Variants in NF1 observed in about 807,000 individuals in gnomAD.
The protein encoded by NF1 is neurofibromin.
A neutral mutation model predicts 325.7 loss-of-function variants in NF1; 122 were observed. The observed-to-expected ratio is 0.37, with a 90% CI of 0.32 to 0.44. NF1 has a LOEUF of 0.44. Among genes scored for constraint, NF1 ranks in the 20% least tolerant of loss-of-function variants. The pLI is 1.00. For missense variants in NF1, 2,140 were observed against 3,415.4 expected, an observed-to-expected ratio of 0.63 and a Z score of 9.31; for synonymous variants, 1,091 against 1,186.0, an observed-to-expected ratio of 0.92 and a Z score of 1.65.
At chr17:31,200,269 A>G (rs1410050006) in intron 8 of NF1, among the ~76,000 whole-genome samples, 153 bp from the exon 9 acceptor site, 11 of 152,162 alleles carry the variant, frequency 7.2e-5, no homozygotes, top group African/African-American at 2.4e-4. Flanking sequence ...AATGATGACC[A>G]CTACTTAAAT....
chr17:31,185,282 C>T (rs185305803), intron 8 of NF1, among the ~76,000 whole-genome samples: 17 of 152,196 alleles, frequency 1.1e-4, no homozygotes, highest in Admixed American at 7.8e-4. Context: ...TGAGGAGGTG[C>T]GCTACACTCG....
rs143497955 is a variant in NF1 at position 31,153,476 on chromosome 17, C to T, written c.61-2507C>T. ...CTGCAAATTGCAATGAGCATAACTACCCTCTGTTTTGGCTAATATTCCTAA... is the reference window on the plus strand; with the variant it reads ...CTGCAAATTGCAATGAGCATAACTATCCTCTGTTTTGGCTAATATTCCTAA... On this transcript the variant is annotated intron_variant, in intron 1 of 57. Coordinates refer to ENST00000358273, the MANE Select transcript of NF1 (RefSeq NM_001042492.3). Among the ~76,000 whole-genome samples, 36 of 152,316 alleles carry T rather than the reference C, an allele frequency of 2.4e-4. No individual in the cohort carries two copies. The East Asian group carries it at 6.6e-3, about 28-fold the overall frequency.
rs2070714483 is a variant in NF1, at chr17:31,375,184, T to C, written c.*1029T>C. 1 of 223,168 alleles carries C rather than the reference T, an allele frequency of 4.5e-6. No individual in the cohort carries two copies. Among genetic ancestry groups the C allele is most frequent in the Non-Finnish European group, 9.0e-6 (1 of 111,420 alleles). 13.8% of individuals were successfully genotyped at this position (223,168 alleles called of 1,614,324 possible). A position where few individuals can be genotyped will look rare whatever the true frequency, so the allele number is the denominator to read the frequency against. On this transcript the variant is annotated 3_prime_UTR_variant, in exon 58 of 58. Transcript: ENST00000358273. The stretch of plus-strand genomic sequence containing the variant: ...TACGTGACATTTAGGGTAGCTGATA[T>C]TTTTATTTTGTTAAATAATTTCCAA...
intron 36 of NF1, among the ~76,000 whole-genome samples, chr17:31,276,253 A>G (rs1182076120): frequency 6.6e-6 from 1 of 150,994 alleles, no homozygotes; most frequent in African/African-American, 2.4e-5. Flanking sequence ...AAGTATTGGA[A>G]TTCATTGAAA....
chr17:31,198,468 A>G (rs1384867404), intron 8 of NF1, among the ~76,000 whole-genome samples: 1 of 152,070 alleles, frequency 6.6e-6, no homozygotes, highest in Non-Finnish European at 1.5e-5. Context: ...CTATTTCCTC[A>G]TGAGTTAGTT....
At chr17:31,151,087 A>C (rs1217594220) in intron 1 of NF1, among the ~76,000 whole-genome samples, 1 of 152,102 alleles carries the variant, frequency 6.6e-6, no homozygotes, top group Non-Finnish European at 1.5e-5. Context: ...ACATAATGAC[A>C]TTTTGGTCAG....
intron 4 of NF1, among the ~76,000 whole-genome samples, chr17:31,168,480 G>T (rs2065880264): frequency 1.3e-5 from 2 of 151,972 alleles, no homozygotes; most frequent in Admixed American, 1.3e-4. Context: ...GCGTACTTTG[G>T]AATTGGTTGA....
chr17:31,364,875 T>C (rs2070479809), intron 57 of NF1, among the ~76,000 whole-genome samples: 2 of 152,182 alleles, frequency 1.3e-5, no homozygotes, highest in African/African-American at 4.8e-5. Flanking sequence ...CAAACACCAA[T>C]AAGAGCATCT....
chr17:31,229,132 C>T lies in NF1; in HGVS notation c.2517C>T (p.Asn839=), dbSNP rs876659543. ...SDTDSLQEWI[N]MTGFLCALGG... is the part of the protein sequence containing the mutation. Reference sequence around the variant, plus strand: ...CAGACTCCCTACAGGAATGGATCAACATGACTGGCTTCCTTTGTGCCCTTG... The same window carrying T: ...CAGACTCCCTACAGGAATGGATCAATATGACTGGCTTCCTTTGTGCCCTTG... Residue 839 remains asparagine, a synonymous_variant, in exon 21 of 58, where the codon AAC becomes AAT. Transcript: ENST00000358273. 3.1e-6 allele frequency: 5 copies of T among 1,611,772 alleles called. No individual in the cohort carries two copies. Among genetic ancestry groups the T allele is most frequent in the Non-Finnish European group, 4.2e-6 (5 of 1,179,810 alleles).
intron 1 of NF1, among the ~76,000 whole-genome samples, chr17:31,143,976 G>C (rs2952981): frequency 0.55 from 83,846 of 151,698 alleles, 26,305 homozygotes; most frequent in Middle Eastern, 0.76. Context: ...CGCCTGCCAC[G>C]ACGCCCAGCT....
chr17:31,307,806 A>G (rs778326172), intron 36 of NF1: 5 of 988,846 alleles, frequency 5.1e-6, no homozygotes, highest in Non-Finnish European at 7.0e-6. Flanking sequence ...ATTAGAAACT[A>G]TAGTTCTTCT....
chr17:31,316,700 A>C (rs991287662), intron 36 of NF1, among the ~76,000 whole-genome samples: 1 of 152,136 alleles, frequency 6.6e-6, no homozygotes, highest in African/African-American at 2.4e-5. Flanking sequence ...AGATAACCTG[A>C]TTTCAGTCAC....
At chr17:31,218,708 A>AC (rs1428247810) in intron 13 of NF1, among the ~76,000 whole-genome samples, 2 of 152,060 alleles carry the variant, frequency 1.3e-5, no homozygotes, top group Non-Finnish European at 2.9e-5. Flanking sequence ...AGTGGCTGGG[A>AC]CCACAGGCGC....
At chr17:31,319,359 T>C (rs1567893533) in intron 36 of NF1, among the ~76,000 whole-genome samples, 1 of 151,030 alleles carries the variant, frequency 6.6e-6, no homozygotes, top group Non-Finnish European at 1.5e-5. Context: ...CTTTTACTTT[T>C]CTGATTCCTT....
intron 14 of NF1, among the ~76,000 whole-genome samples, chr17:31,220,295 T>C (rs535767828): frequency 6.6e-6 from 1 of 152,230 alleles, no homozygotes; most frequent in Non-Finnish European, 1.5e-5. Flanking sequence ...AAAAATATTT[T>C]AGCACTTACT....
intron 36 of NF1, among the ~76,000 whole-genome samples, chr17:31,325,605 C>G (rs1179471080): frequency 6.6e-6 from 1 of 152,104 alleles, no homozygotes; most frequent in African/African-American, 2.4e-5. Context: ...GTTGTCGTGG[C>G]TCAAAATTTT....
chr17:31,160,126 C>T (rs2065737173), intron 3 of NF1, among the ~76,000 whole-genome samples: 1 of 152,168 alleles, frequency 6.6e-6, no homozygotes, highest in Non-Finnish European at 1.5e-5. Context: ...CACTCTGCGG[C>T]ACAGGCTGAA....
chr17:31,231,866 A>G (rs564468244), intron 24 of NF1, among the ~76,000 whole-genome samples: 14 of 152,178 alleles, frequency 9.2e-5, no homozygotes, highest in African/African-American at 3.1e-4. Context: ...GAAAGTAAGT[A>G]TTACCTTCTC....
intron 39 of NF1, among the ~76,000 whole-genome samples, chr17:31,333,720 G>A (rs17886904): frequency 6.6e-6 from 1 of 152,224 alleles, no homozygotes; most frequent in Non-Finnish European, 1.5e-5. Context: ...AGGTTCTAGA[G>A]ATGGATGGTG....
Sources: allele counts gnomAD v4.1 joint callset (sites outside exome capture counted in the v4.1 genomes callset), GRCh38; gene constraint gnomAD v4.1.1; transcripts MANE v1.5; gene names NCBI Gene and HGNC (gene_info 2026-07-23, HGNC 2026-07-21).